DLG1: variants seen among roughly 807,000 people sequenced by gnomAD.
DLG1 encodes discs large MAGUK scaffold protein 1, also known as disks large homolog 1.
In DLG1, 42 loss-of-function variants were observed where a neutral mutation model predicts 123.4. That is an observed-to-expected ratio of 0.34 (90% CI 0.27 to 0.44). DLG1 has a LOEUF of 0.44. Ranked by LOEUF, DLG1 falls within the 20% of genes least tolerant of loss-of-function variation. The pLI is 1.00. For missense variants in DLG1, 942 were observed against 1,082.6 expected, an observed-to-expected ratio of 0.87 and a Z score of 1.82; for synonymous variants, 317 against 356.2, an observed-to-expected ratio of 0.89 and a Z score of 1.24.
At chr3:197,078,192 T>A (rs1192333533) in intron 17 of DLG1, among the ~76,000 whole-genome samples, 1 of 151,132 alleles carries the variant, frequency 6.6e-6, no homozygotes, top group Non-Finnish European at 1.5e-5. Flanking sequence ...TGTGCGACTG[T>A]AGTCTCAGCT....
intron 17 of DLG1, chr3:197,080,433 C>G (rs1578717514): frequency 6.8e-6 from 1 of 146,712 alleles, no homozygotes; most frequent in Non-Finnish European, 1.5e-5. Flanking sequence ...TGCAAGCCAT[C>G]ACGCCTGGCT....
intron 13 of DLG1, among the ~76,000 whole-genome samples, chr3:197,114,109 C>T (rs1771676737): frequency 6.6e-6 from 1 of 152,124 alleles, no homozygotes; most frequent in African/African-American, 2.4e-5. Flanking sequence ...AGATTCACAT[C>T]CACTCATAGG....
At chr3:197,286,230 G>T (rs920248129) in intron 3 of DLG1, among the ~76,000 whole-genome samples, 4 of 152,116 alleles carry the variant, frequency 2.6e-5, no homozygotes, top group Admixed American at 6.6e-5. Context: ...GTAGAAGTGG[G>T]GTACCGGAGA....
rs1721623083 is a variant in DLG1 at position 197,044,501 on chromosome 3, C to T, written c.*122G>A. 2 of 574,902 alleles carry T rather than the reference C, an allele frequency of 3.5e-6. No individual in the cohort carries two copies. Among genetic ancestry groups the T allele is most frequent in the Non-Finnish European group, 6.2e-6 (2 of 323,858 alleles). The allele number at this position is 574,902 out of a possible 1,614,324, so 35.6% of individuals were successfully genotyped here. On this transcript the variant is annotated 3_prime_UTR_variant, in exon 25 of 25. Coordinates refer to ENST00000667157, the MANE Select transcript of DLG1 (RefSeq NM_001366207.1). ...CTACATGTGAAAAAGAAGCTGCAGA[C>T]CATGATGTGTGGGATACAATTCAAC...
Position 197,044,153 on chromosome 3 carries a change from G to GTTGA in DLG1, c.*466_*469dup, listed in dbSNP as rs1379232036. The GTTGA allele has an allele frequency of 6.6e-6, 1 of 152,300 alleles. No individual in the cohort carries two copies. Among genetic ancestry groups the GTTGA allele is most frequent in the African/African-American group, 2.4e-5 (1 of 41,438 alleles). 9.4% of individuals were successfully genotyped at this position (152,300 alleles called of 1,614,324 possible). On this transcript the variant is annotated 3_prime_UTR_variant, in exon 25 of 25. Coordinates refer to ENST00000667157, the MANE Select transcript of DLG1 (RefSeq NM_001366207.1). ...TGAAACAATTGCTTTGATGATAGAAGTTGATTGAGAAAAGGACTTGAGAGT... is the reference window on the plus strand; with the variant it reads ...TGAAACAATTGCTTTGATGATAGAAGTTGATTGATTGAGAAAAGGACTTGAGAGT...
At chr3:197,220,672 A>G (rs1366051338) in intron 4 of DLG1, among the ~76,000 whole-genome samples, 1 of 152,186 alleles carries the variant, frequency 6.6e-6, no homozygotes, top group African/African-American at 2.4e-5. Context: ...CCTATCCAGC[A>G]GAAAAAGAAA....
At chr3:197,064,642 T>A (rs1489321387) in intron 22 of DLG1, among the ~76,000 whole-genome samples, 3 of 152,194 alleles carry the variant, frequency 2.0e-5, no homozygotes, top group Admixed American at 6.5e-5. Context: ...CCTGTTTTTA[T>A]GAGTTCTTTA....
intron 4 of DLG1, among the ~76,000 whole-genome samples, chr3:197,226,733 C>A (rs1233031282): frequency 6.6e-6 from 1 of 151,942 alleles, no homozygotes; most frequent in Admixed American, 6.6e-5. Context: ...ATTACTGAAC[C>A]AATTTTGATG....
intron 15 of DLG1, among the ~76,000 whole-genome samples, 153 bp downstream of exon 15, chr3:197,090,759 G>A (rs1411533442): frequency 6.6e-6 from 1 of 151,746 alleles, no homozygotes; most frequent in Admixed American, 6.6e-5. Context: ...TTCTTGAAAG[G>A]CACACTGTCA....
At chr3:197,059,708 T>G (rs1181313125) in intron 23 of DLG1, among the ~76,000 whole-genome samples, 181 bp downstream of exon 23, 2 of 151,144 alleles carry the variant, frequency 1.3e-5, no homozygotes, top group Non-Finnish European at 3.0e-5. Context: ...ATGATGATGA[T>G]TACAATGACA....
chr3:197,120,001 T>C (rs1775416011), intron 11 of DLG1, among the ~76,000 whole-genome samples: 1 of 152,152 alleles, frequency 6.6e-6, no homozygotes, highest in Non-Finnish European at 1.5e-5. Context: ...GGCTCACGCC[T>C]GTAACCCTAG....
At chr3:197,098,685 C>A (rs1488228877) in intron 14 of DLG1, among the ~76,000 whole-genome samples, 2 of 152,038 alleles carry the variant, frequency 1.3e-5, no homozygotes, top group Non-Finnish European at 2.9e-5. Flanking sequence ...CAGGTATGTA[C>A]CACCATGCCT....
chr3:197,108,233 T>C (rs562876100), intron 13 of DLG1, among the ~76,000 whole-genome samples: 2 of 152,354 alleles, frequency 1.3e-5, no homozygotes, highest in Admixed American at 6.5e-5. Flanking sequence ...TACATCTATA[T>C]TCATATGGGA....
At chr3:197,236,950 A>C (rs1450370895) in intron 4 of DLG1, among the ~76,000 whole-genome samples, 1 of 152,232 alleles carries the variant, frequency 6.6e-6, no homozygotes, top group East Asian at 1.9e-4. Context: ...TAATTTACAT[A>C]CTGGAGAACA....
intron 14 of DLG1, among the ~76,000 whole-genome samples, chr3:197,099,746 A>G (rs1762464667): frequency 1.3e-5 from 2 of 152,364 alleles, no homozygotes; most frequent in East Asian, 1.9e-4. Context: ...ACATTCATTT[A>G]TAACTGTAAT....
At position 197,044,090 on chromosome 3, in the gene DLG1, G is replaced by C. The variant is rs1389057971; in HGVS notation, c.*533C>G. 1 of 152,148 alleles carries C rather than the reference G, an allele frequency of 6.6e-6. No homozygotes were observed. The highest frequency in any genetic ancestry group is 1.5e-5 in the Non-Finnish European group (1 of 68,010). The allele number at this position is 152,148 out of a possible 1,614,324, so 9.4% of individuals were successfully genotyped here. The stretch of plus-strand genomic sequence containing the variant: ...CCCTTATGAAAGTCAACTCAGACAT[G>C]AATTTTTAAATTAAAAAATGTCCTT... On this transcript the variant is annotated 3_prime_UTR_variant, in exon 25 of 25. Coordinates refer to ENST00000667157, the MANE Select transcript of DLG1 (RefSeq NM_001366207.1).
intron 22 of DLG1, among the ~76,000 whole-genome samples, chr3:197,062,821 C>T (rs1015665968): frequency 3.3e-5 from 5 of 152,134 alleles, no homozygotes; most frequent in African/African-American, 4.8e-5. Context: ...TACATAAATA[C>T]ACATCTATTT....
At chr3:197,161,734 G>A (rs200061367) in intron 5 of DLG1, 33 of 1,566,092 alleles carry the variant, frequency 2.1e-5, no homozygotes, top group Non-Finnish European at 2.8e-5. Flanking sequence ...AACAGCTTCT[G>A]TTGGCTAAAA....
chr3:197,159,420 A>G (rs1577259103), intron 5 of DLG1, among the ~76,000 whole-genome samples: 1 of 152,174 alleles, frequency 6.6e-6, no homozygotes, highest in East Asian at 1.9e-4. Context: ...GGTTGGCGTT[A>G]CCCCCCATTT....
Sources: allele counts gnomAD v4.1 joint callset (sites outside exome capture counted in the v4.1 genomes callset), GRCh38; gene constraint gnomAD v4.1.1; transcripts MANE v1.5; gene names NCBI Gene and HGNC (gene_info 2026-07-23, HGNC 2026-07-21).